The following PTPRC variants were observed in gnomAD, a reference collection of about 807,000 sequenced individuals.
PTPRC encodes the protein protein tyrosine phosphatase receptor type C, also known as receptor-type tyrosine-protein phosphatase C.
In PTPRC, 44 loss-of-function variants were observed where a neutral mutation model predicts 155.9. That is an observed-to-expected ratio of 0.28 (90% CI 0.22 to 0.36). The LOEUF (loss-of-function observed/expected upper bound fraction) is 0.36. Ranked by LOEUF, PTPRC falls within the 10% of genes least tolerant of loss-of-function variation. PTPRC has a pLI of 1.00. For missense variants in PTPRC, 1,401 were observed against 1,564.6 expected (o/e 0.90, Z 1.76); for synonymous variants, 525 against 533.1 (o/e 0.98, Z 0.21).
chr1:198,738,870 C>A (rs905173623), intron 23 of PTPRC, among the ~76,000 whole-genome samples: 1 of 151,560 alleles, frequency 6.6e-6, no homozygotes, highest in Non-Finnish European at 1.5e-5. Context: ...ATAATGGCAA[C>A]AACAACTTTT....
chr1:198,643,818 A>G (rs1018833398), intron 2 of PTPRC, among the ~76,000 whole-genome samples: 1 of 151,948 alleles, frequency 6.6e-6, no homozygotes, highest in African/African-American at 2.4e-5. Context: ...AGTCATGGCA[A>G]TTGCTGGTTT....
chr1:198,745,733 T>G (rs1655109344), intron 26 of PTPRC, among the ~76,000 whole-genome samples: 1 of 151,726 alleles, frequency 6.6e-6, no homozygotes, highest in African/African-American at 2.4e-5. Flanking sequence ...ATCTAGGTTT[T>G]GAAAAGTGAC....
chr1:198,728,522 A>G (rs1468880344), intron 16 of PTPRC, 74 bp downstream of exon 16: 4 of 1,548,732 alleles, frequency 2.6e-6, no homozygotes, highest in African/African-American at 1.4e-5. Flanking sequence ...TATGGCAGTG[A>G]TGGAACCAGT....
Position 198,748,012 on chromosome 1 carries a change from A to T in PTPRC, c.2848-97A>T, listed in dbSNP as rs186433356. ...AGGGAGCATATGCAAATTTCACAAA[A>T]ATTAATGAAATGCTTTTCCTTAGGG... On this transcript the variant is annotated intron_variant, in intron 26 of 32. Transcript: ENST00000442510. 9.1e-5 allele frequency: 136 copies of T among 1,498,514 alleles called. No individual in the cohort carries two copies. In the Middle Eastern group the frequency reaches 1.7e-3, roughly 19 times the overall value. 92.8% of individuals were successfully genotyped at this position (1,498,514 alleles called of 1,614,324 possible).
chr1:198,667,455 A>C lies in PTPRC; in HGVS notation c.74-24892A>C, dbSNP rs181113629. Among the ~76,000 whole-genome samples, 42 of 152,350 alleles carry C rather than the reference A, an allele frequency of 2.8e-4. 1 individual carries two copies. The highest frequency in any genetic ancestry group is 2.3e-3 in the East Asian group (12 of 5,192). ...AGTTTCCCAATGTACAAAGACTGAA[A>C]AAAAATAATTTTCCTCAGATGGGAA... is the stretch of plus-strand genomic sequence containing the variant. On this transcript the variant is annotated intron_variant, in intron 2 of 32. Transcript: ENST00000442510.
intron 2 of PTPRC, among the ~76,000 whole-genome samples, chr1:198,671,190 C>T (rs1243318276): frequency 2.6e-5 from 4 of 152,026 alleles, no homozygotes; most frequent in Admixed American, 6.6e-5. Flanking sequence ...TGCTTTCTTG[C>T]TTGTTCTCCC....
intron 13 of PTPRC, among the ~76,000 whole-genome samples, 161 bp from the exon 14 acceptor site, chr1:198,717,933 G>A (rs1250972154): frequency 6.6e-6 from 1 of 151,742 alleles, no homozygotes; most frequent in East Asian, 1.9e-4. Flanking sequence ...TATTCTTCAG[G>A]GTTTTGATAT....
chr1:198,735,915 A>G (rs552873332), intron 23 of PTPRC, among the ~76,000 whole-genome samples: 2 of 151,660 alleles, frequency 1.3e-5, no homozygotes, highest in Non-Finnish European at 3.0e-5. Flanking sequence ...AAAATGTTCT[A>G]TAATTAGATA....
chr1:198,749,652 T>C (rs1655292465), intron 28 of PTPRC, 103 bp downstream of exon 28: 1 of 1,103,846 alleles, frequency 9.1e-7, no homozygotes, highest in Non-Finnish European at 1.3e-6. Context: ...ATAATGAGCT[T>C]GGTCATAACT....
chr1:198,677,916 G>T (rs1241392179), intron 2 of PTPRC, among the ~76,000 whole-genome samples: 3 of 151,946 alleles, frequency 2.0e-5, no homozygotes, highest in Non-Finnish European at 2.9e-5. Flanking sequence ...AGAATATAAA[G>T]TCCAGCTTTT....
Position 198,744,054 on chromosome 1 carries a change from G to A in PTPRC, c.2698G>A (p.Ala900Thr), listed in dbSNP as rs752001828. Reference protein sequence around the residue: ...RQRCLMVQVEAQYILIHQALV... With the variant: ...RQRCLMVQVETQYILIHQALV... ...TCTGTATTTGTTCTTGAAATTGTAG[G>A]CCCAGTACATCTTGATCCATCAGGC... Residue 900 changes from alanine to threonine, a missense_variant and splice_region_variant, in exon 26 of 33, where the codon GCC becomes ACC. Ala to Thr is a moderately conservative substitution (Grantham distance 58). Coordinates refer to ENST00000442510, the MANE Select transcript of PTPRC (RefSeq NM_002838.5). 6.3e-7 allele frequency: 1 copy of A among 1,599,714 alleles called. No individual in the cohort carries two copies. The highest frequency in any genetic ancestry group is 8.6e-7 in the Non-Finnish European group (1 of 1,167,934).
chr1:198,684,668 T>C (rs1419180049), intron 2 of PTPRC, among the ~76,000 whole-genome samples: 4 of 151,634 alleles, frequency 2.6e-5, no homozygotes, highest in African/African-American at 9.7e-5. Context: ...GCTGTTTCTT[T>C]AAAACAAAAA....
chr1:198,727,442 C>G (rs1434978857), intron 15 of PTPRC, among the ~76,000 whole-genome samples: 2 of 152,028 alleles, frequency 1.3e-5, no homozygotes, highest in Admixed American at 6.6e-5. Flanking sequence ...TGGCAGATGA[C>G]CAAAAGCCAA....
chr1:198,728,761 G>T (rs1654257658), intron 16 of PTPRC, among the ~76,000 whole-genome samples: 1 of 152,148 alleles, frequency 6.6e-6, no homozygotes, highest in Non-Finnish European at 1.5e-5. Flanking sequence ...AAAAGAAAAA[G>T]AAAGGAGGGA....
chr1:198,664,968 G>A (rs1283163595), intron 2 of PTPRC, among the ~76,000 whole-genome samples: 3 of 151,852 alleles, frequency 2.0e-5, no homozygotes, highest in African/African-American at 7.3e-5. Context: ...TAATGTTCTC[G>A]GGACTACCAT....
At position 198,735,132 on chromosome 1, in the gene PTPRC, G is replaced by A. The variant is rs761064149; in HGVS notation, c.2283G>A (p.Lys761=). Residue 761 remains lysine (K), a synonymous_variant, in exon 23 of 33, where the codon AAG becomes AAA. Transcript: ENST00000442510. ...AATAATTTTTTAAAATGTAGAACAA[G>A]TGTGCAGAATACTGGCCGTCAATGG... is the stretch of plus-strand genomic sequence containing the variant. ...VTRCEEGNRN[K]CAEYWPSMEE... 6.3e-6 allele frequency: 10 copies of A among 1,598,866 alleles called. No individual in the cohort carries two copies. The highest frequency in any genetic ancestry group is 1.1e-5 in the South Asian group (1 of 87,940).
At chr1:198,658,820 C>T (rs2102242776) in intron 2 of PTPRC, among the ~76,000 whole-genome samples, 1 of 151,514 alleles carries the variant, frequency 6.6e-6, no homozygotes, top group South Asian at 2.1e-4. Context: ...GGTTGCTCCT[C>T]ATGATAATCC....
intron 2 of PTPRC, among the ~76,000 whole-genome samples, chr1:198,673,358 A>G (rs952147452): frequency 6.6e-6 from 1 of 152,202 alleles, no homozygotes; most frequent in Non-Finnish European, 1.5e-5. Flanking sequence ...ATGATCTCAC[A>G]CAAGTTATTT....
At position 198,718,192 on chromosome 1, in the gene PTPRC, C is replaced by A; in HGVS notation, c.1549C>A (p.Arg517Ser). Reference protein sequence around the residue: ...PPRDRNGPHERYHLEVEAGNT... With the variant: ...PPRDRNGPHESYHLEVEAGNT... ...CAGGGACCGTAATGGCCCCCATGAA[C>A]GTTACCATTTGGAAGTTGAAGCTGG... The change falls in exon 14 of 33, where the codon CGT becomes AGT. Residue 517 changes from arginine (R) to serine (S), a missense_variant. By Grantham distance (110) the Arg-to-Ser change is moderately radical. Around this residue, in one of 3 missense-constraint regions of PTPRC, gnomAD observed 867 missense variants for 970.4 expected, o/e 0.89. Transcript: ENST00000442510. The A allele has an allele frequency of 1.2e-6, 2 of 1,613,598 alleles. No individual in the cohort carries two copies. The highest frequency in any genetic ancestry group is 1.7e-6 in the Non-Finnish European group (2 of 1,179,602).
Sources: allele counts gnomAD v4.1 joint callset (sites outside exome capture counted in the v4.1 genomes callset), GRCh38; gene constraint gnomAD v4.1.1; regional missense constraint gnomAD v4.1.1; transcripts MANE v1.5; gene names NCBI Gene and HGNC (gene_info 2026-07-23, HGNC 2026-07-21).